The following ADGRL3 variants were observed in gnomAD, a reference collection of about 807,000 sequenced individuals.
The protein encoded by ADGRL3 is calcium-independent alpha-latrotoxin receptor 3.
In ADGRL3, 62 loss-of-function variants were observed where a neutral mutation model predicts 153.5. That is an observed-to-expected ratio of 0.40 (90% CI 0.33 to 0.50). The LOEUF (loss-of-function observed/expected upper bound fraction) is 0.50, where lower values mean the gene tolerates loss of function less well. Among genes scored for constraint, ADGRL3 ranks in the 20% least tolerant of loss-of-function variants. The probability of loss-of-function intolerance (pLI) is 0.47; values close to 1 mark genes in which losing one functional copy is unlikely to be tolerated. For synonymous variants in ADGRL3, 710 were observed against 672.5 expected (o/e 1.06, Z -0.86); for missense variants, 1,641 against 1,859.4 (o/e 0.88, Z 2.16).
At chr4:61,762,247 A>G (rs1397949227) in intron 8 of ADGRL3, among the ~76,000 whole-genome samples, 4 of 152,180 alleles carry the variant, frequency 2.6e-5, no homozygotes, top group African/African-American at 9.6e-5. Context: ...GAATTTCATA[A>G]AATTTTTGAA....
At chr4:61,546,872 A>G (rs1388167428) in intron 4 of ADGRL3, among the ~76,000 whole-genome samples, 1 of 152,220 alleles carries the variant, frequency 6.6e-6, no homozygotes, top group South Asian at 2.1e-4. Context: ...CTGATGAACA[A>G]GTGAAGTTCC....
intron 9 of ADGRL3, among the ~76,000 whole-genome samples, chr4:61,817,552 C>A (rs958544949): frequency 3.3e-5 from 5 of 152,292 alleles, no homozygotes; most frequent in Middle Eastern, 3.4e-3. Context: ...AGAGAAGCTA[C>A]CCACTTCAGG....
At chr4:61,856,998 T>TTCTC (rs2098279668) in intron 9 of ADGRL3, among the ~76,000 whole-genome samples, 2 of 130,114 alleles carry the variant, frequency 1.5e-5, no homozygotes, top group Admixed American at 7.6e-5. Context: ...CTTTCTTTCT[T>TTCTC]TCTTTCTTTC....
intron 2 of ADGRL3, among the ~76,000 whole-genome samples, chr4:61,428,547 T>C (rs2097310029): frequency 6.6e-6 from 1 of 152,192 alleles, no homozygotes. Context: ...ATTCAAATAT[T>C]GAGAGACAGT....
chr4:61,821,850 A>G (rs975881338), intron 9 of ADGRL3, among the ~76,000 whole-genome samples: 1 of 152,236 alleles, frequency 6.6e-6, no homozygotes, highest in African/African-American at 2.4e-5. Context: ...TTTAAAGTTC[A>G]AAATAAGCAG....
At chr4:62,012,952 C>G (rs1026972159) in intron 21 of ADGRL3, among the ~76,000 whole-genome samples, 1 of 152,026 alleles carries the variant, frequency 6.6e-6, no homozygotes, top group African/African-American at 2.4e-5. Flanking sequence ...AGAAAAGTCA[C>G]TGAGGTAAAT....
At chr4:61,845,473 C>T (rs1208538205) in intron 9 of ADGRL3, among the ~76,000 whole-genome samples, 1 of 151,960 alleles carries the variant, frequency 6.6e-6, no homozygotes, top group East Asian at 1.9e-4. Context: ...ACCTCAGCCT[C>T]CTGATTAGCT....
At chr4:61,594,852 A>C (rs914263428) in intron 5 of ADGRL3, among the ~76,000 whole-genome samples, 1 of 152,108 alleles carries the variant, frequency 6.6e-6, no homozygotes, top group Non-Finnish European at 1.5e-5. Flanking sequence ...CTGATGTTCT[A>C]TTCTTCTGCA....
At chr4:61,414,251 A>C (rs1474331814) in intron 2 of ADGRL3, among the ~76,000 whole-genome samples, 1 of 152,144 alleles carries the variant, frequency 6.6e-6, no homozygotes, top group Non-Finnish European at 1.5e-5. Context: ...GCATTTTCCT[A>C]CCTTTGGTTA....
chr4:61,495,310 A>C (rs1287747083), intron 2 of ADGRL3, among the ~76,000 whole-genome samples: 6 of 152,218 alleles, frequency 3.9e-5, no homozygotes, highest in Non-Finnish European at 7.3e-5. Flanking sequence ...GAAGTGTATT[A>C]ATACATTCAT....
chr4:61,619,195 C>T (rs956110576), intron 5 of ADGRL3, among the ~76,000 whole-genome samples: 4 of 152,204 alleles, frequency 2.6e-5, no homozygotes, highest in East Asian at 1.9e-4. Flanking sequence ...CAGAAACAAC[C>T]GGTGGCTGTC....
At chr4:61,980,045 C>T (rs2099062121) in intron 18 of ADGRL3, among the ~76,000 whole-genome samples, 1 of 152,186 alleles carries the variant, frequency 6.6e-6, no homozygotes. Flanking sequence ...GCAGGAGCTA[C>T]AGACATTCCC....
chr4:61,682,256 T>C (rs1335302325), intron 6 of ADGRL3, among the ~76,000 whole-genome samples: 1 of 151,990 alleles, frequency 6.6e-6, no homozygotes, highest in Non-Finnish European at 1.5e-5. Flanking sequence ...TTCCTCTCTC[T>C]GTATCAGCTA....
Position 61,983,447 on chromosome 4 carries a change from T to C in ADGRL3, c.3080T>C (p.Phe1027Ser), listed in dbSNP as rs199909144. ...TTCTTGGCTGCCTTCACCTGGATGTTCCTGGAGGGGGTGCAGCTTTATATC... is the reference window on the plus strand; with the variant it reads ...TTCTTGGCTGCCTTCACCTGGATGTCCCTGGAGGGGGTGCAGCTTTATATC... ...FFFLAAFTWM[F>S]LEGVQLYIML... The change falls in exon 19 of 27, where the codon TTC (phenylalanine) becomes TCC (serine). Residue 1027 changes from phenylalanine to serine, a missense_variant. Physicochemically the swap from Phe to Ser is radical, Grantham distance 155. Transcript: ENST00000683033. The C allele has an allele frequency of 1.4e-4, 221 of 1,613,824 alleles. No homozygotes were observed. Among genetic ancestry groups the C allele is most frequent in the Non-Finnish European group, 1.8e-4 (214 of 1,179,868 alleles).
At chr4:61,511,328 G>A (rs2098462778) in intron 3 of ADGRL3, among the ~76,000 whole-genome samples, 1 of 152,118 alleles carries the variant, frequency 6.6e-6, no homozygotes. Context: ...GAGATCACGT[G>A]CCACTGCACT....
At chr4:61,318,220 AAC>A (rs140779579) in intron 1 of ADGRL3, among the ~76,000 whole-genome samples, 19 of 145,620 alleles carry the variant, frequency 1.3e-4, no homozygotes, top group Non-Finnish European at 1.5e-4. Context: ...AAAAACACAA[AAC>A]ACACACACAC....
At chr4:61,566,285 G>A (rs1011785067) in intron 4 of ADGRL3, among the ~76,000 whole-genome samples, 4 of 152,190 alleles carry the variant, frequency 2.6e-5, no homozygotes, top group South Asian at 2.1e-4. Flanking sequence ...TGTCTGTGTC[G>A]AGATTTCCCC....
intron 9 of ADGRL3, among the ~76,000 whole-genome samples, chr4:61,829,651 A>T (rs1185207520): frequency 6.6e-6 from 1 of 152,226 alleles, no homozygotes; most frequent in African/African-American, 2.4e-5. Flanking sequence ...CTGTACACTT[A>T]AAGTTAATTG....
chr4:61,265,464 G>A (rs2092792634), intron 1 of ADGRL3, among the ~76,000 whole-genome samples: 1 of 151,828 alleles, frequency 6.6e-6, no homozygotes, highest in South Asian at 2.1e-4. Context: ...GGACAACTAA[G>A]CGGAGGACAG....
Sources: gnomAD v4.1 joint callset for allele counts (sites outside exome capture counted in the v4.1 genomes callset) on GRCh38, gnomAD v4.1.1 for gene constraint, MANE v1.5 for transcripts, NCBI Gene and HGNC (gene_info 2026-07-23, HGNC 2026-07-21) for gene names.